The following ARHGAP20 variants were observed in gnomAD, a reference collection of about 807,000 sequenced individuals.
ARHGAP20 encodes Rho GTPase activating protein 20, also known as rho GTPase-activating protein 20.
In ARHGAP20, 34 loss-of-function variants were observed where a neutral mutation model predicts 73.7. The ratio of observed to expected loss-of-function variants is 0.46; its 90% confidence interval spans 0.35 to 0.61. ARHGAP20 has a LOEUF of 0.61. Among genes scored for constraint, ARHGAP20 ranks in the 20% least tolerant of loss-of-function variants. The probability of loss-of-function intolerance (pLI) is 0.00; values close to 1 mark genes in which losing one functional copy is unlikely to be tolerated. For missense variants in ARHGAP20, 1,314 were observed against 1,420.9 expected, an observed-to-expected ratio of 0.92 and a Z score of 1.21; for synonymous variants, 523 against 518.2, an observed-to-expected ratio of 1.01 and a Z score of -0.13.
intron 2 of ARHGAP20, among the ~76,000 whole-genome samples, chr11:110,640,788 G>A (rs1949062032): frequency 1.3e-5 from 2 of 151,842 alleles, no homozygotes; most frequent in Non-Finnish European, 2.9e-5. Flanking sequence ...AGCATTAAGA[G>A]ATATACCTAA....
chr11:110,580,544 A>G lies in ARHGAP20; in HGVS notation c.2402T>C (p.Ile801Thr). 6.2e-7 allele frequency: 1 copy of G among 1,614,234 alleles called. No individual in the cohort carries two copies. Among genetic ancestry groups the G allele is most frequent in the East Asian group, 2.2e-5 (1 of 44,882 alleles). ...KLFPKSKPVA[I>T]SVASYSPMSS... ...CATAGGACTATAAGATGCCACAGAA[A>G]TGGCCACTGGCTTAGACTTAGGGAA... Residue 801 changes from isoleucine (I) to threonine (T), a missense_variant, in exon 15 of 15, where the codon ATT (isoleucine) becomes ACT (threonine). By Grantham distance (89) the Ile-to-Thr change is moderately conservative. This residue lies in a region of ARHGAP20 where 641 missense variants were observed against 636.9 expected (regional missense o/e 1.01). Coordinates refer to ENST00000683387, the MANE Select transcript of ARHGAP20 (RefSeq NM_001384657.1).
rs1947761270 is a variant in ARHGAP20 at position 110,589,340 on chromosome 11, C to A, written c.1305+1308G>T. 21 of 953,102 alleles carry A rather than the reference C, an allele frequency of 2.2e-5. No homozygotes were observed. The South Asian group carries it at 9.2e-4, about 42-fold the overall frequency. 59.0% of individuals were successfully genotyped at this position (953,102 alleles called of 1,614,324 possible). A position where few individuals can be genotyped will look rare whatever the true frequency, so the allele number is the denominator to read the frequency against. On this transcript the variant is annotated intron_variant, in intron 11 of 14. Transcript: ENST00000683387. ...GATATCTAATTGCAAAAATTTATAG[C>A]AGGGTTTAAGAGCAGATATGGCTTA... is the stretch of plus-strand genomic sequence containing the variant.
intron 2 of ARHGAP20, among the ~76,000 whole-genome samples, chr11:110,688,181 G>A (rs1206604616): frequency 2.0e-5 from 3 of 152,080 alleles, no homozygotes; most frequent in Non-Finnish European, 4.4e-5. Context: ...TTTCCATGAT[G>A]CCTAGTATCC....
intron 1 of ARHGAP20, among the ~76,000 whole-genome samples, chr11:110,693,202 T>C (rs1425617877): frequency 6.6e-6 from 1 of 151,964 alleles, no homozygotes; most frequent in African/African-American, 2.4e-5. Context: ...ATGCTGAGTG[T>C]AGCCACTTCA....
Position 110,580,021 on chromosome 11 carries a change from T to C in ARHGAP20, c.2925A>G (p.Ile975Met). 1 of 1,614,174 alleles carries C rather than the reference T, an allele frequency of 6.2e-7. No individual in the cohort carries two copies. The highest frequency in any genetic ancestry group is 8.5e-7 in the Non-Finnish European group (1 of 1,180,026). ...VFTPTETSSP[I>M]DCTFQAQRKR... ...TTCTCTGAGCCTGAAAAGTGCAATC[T>C]ATTGGAGAGGAAGTCTCAGTGGGTG... The change falls in exon 15 of 15, where the codon ATA becomes ATG. Residue 975 changes from isoleucine (I) to methionine (M), a missense_variant. Transcript: ENST00000683387.
chr11:110,577,155 G>C lies in ARHGAP20; in HGVS notation c.*2215C>G. On this transcript the variant is annotated 3_prime_UTR_variant, in exon 15 of 15. Coordinates refer to ENST00000683387, the MANE Select transcript of ARHGAP20 (RefSeq NM_001384657.1). Reference sequence around the variant, plus strand: ...ACTTTAAAAGTTAGCAGCAGTTTCTGCAAGTACAAAAATACACATTTATTA... The same window carrying C: ...ACTTTAAAAGTTAGCAGCAGTTTCTCCAAGTACAAAAATACACATTTATTA... 3.3e-6 allele frequency: 5 copies of C among 1,534,448 alleles called. No homozygotes were observed. Among genetic ancestry groups the C allele is most frequent in the East Asian group, 2.5e-5 (1 of 40,744 alleles).
At position 110,615,543 on chromosome 11, in the gene ARHGAP20, G is replaced by GA. The variant is rs761285422; in HGVS notation, c.545+9dup. The GA allele has an allele frequency of 4.1e-5, 66 of 1,607,456 alleles. No individual in the cohort carries two copies. Among genetic ancestry groups the GA allele is most frequent in the Non-Finnish European group, 5.4e-5 (63 of 1,177,292 alleles). On this transcript the variant is annotated intron_variant, in intron 5 of 14. Transcript: ENST00000683387. ...GTTAAAGATTAAAAATATGAATACT[G>GA]AAAAAATACCTCTGAAGGAGAGAGA...
intron 4 of ARHGAP20, among the ~76,000 whole-genome samples, chr11:110,622,548 C>T (rs1354244848): frequency 6.6e-6 from 1 of 152,092 alleles, no homozygotes; most frequent in Admixed American, 6.6e-5. Context: ...CCATTTTTTC[C>T]ATTAATGTCC....
At chr11:110,659,662 C>T (rs533280369) in intron 2 of ARHGAP20, among the ~76,000 whole-genome samples, 1 of 152,104 alleles carries the variant, frequency 6.6e-6, no homozygotes, top group Admixed American at 6.6e-5. Flanking sequence ...TGGTAATGTC[C>T]AACAATGATA....
At chr11:110,584,864 T>A (rs1251567297) in intron 12 of ARHGAP20, among the ~76,000 whole-genome samples, 1 of 151,082 alleles carries the variant, frequency 6.6e-6, no homozygotes, top group Non-Finnish European at 1.5e-5. Context: ...TATGTGAATA[T>A]ATAAATGAAT....
chr11:110,655,771 A>G (rs984524135), intron 2 of ARHGAP20, among the ~76,000 whole-genome samples: 4 of 152,134 alleles, frequency 2.6e-5, no homozygotes, highest in African/African-American at 7.2e-5. Flanking sequence ...TGACCAAAAA[A>G]GAGGGAAAAG....
intron 1 of ARHGAP20, chr11:110,711,808 A>C (rs1057288537): frequency 1.5e-6 from 2 of 1,341,950 alleles, no homozygotes; most frequent in South Asian, 1.9e-5. Flanking sequence ...CGCCCACTAC[A>C]GCCCGCGCGC....
intron 1 of ARHGAP20, among the ~76,000 whole-genome samples, chr11:110,702,504 C>T (rs544289695): frequency 6.6e-6 from 1 of 152,156 alleles, no homozygotes; most frequent in Non-Finnish European, 1.5e-5. Context: ...CTCACCATTC[C>T]TATTCAACAT....
intron 1 of ARHGAP20, among the ~76,000 whole-genome samples, chr11:110,698,185 TTTTTG>T (rs1950374053): frequency 2.0e-5 from 3 of 151,974 alleles, no homozygotes; most frequent in South Asian, 4.1e-4. Flanking sequence ...GACTGTATGG[TTTTTG>T]TTTTTAGTTC....
chr11:110,582,216 T>C, intron 14 of ARHGAP20, 105 bp downstream of exon 14: 1 of 944,112 alleles, frequency 1.1e-6, no homozygotes, highest in South Asian at 1.4e-5. Flanking sequence ...CAGAGGCTCC[T>C]TTCACTTCAG....
chr11:110,710,017 C>G (rs1302165904), intron 1 of ARHGAP20, among the ~76,000 whole-genome samples: 2 of 152,128 alleles, frequency 1.3e-5, no homozygotes, highest in Admixed American at 6.5e-5. Context: ...AAGACACGTT[C>G]GGATTGACAA....
At chr11:110,689,278 G>A (rs1950196867) in intron 2 of ARHGAP20, among the ~76,000 whole-genome samples, 1 of 151,832 alleles carries the variant, frequency 6.6e-6, no homozygotes, top group South Asian at 2.1e-4. Context: ...TAGATTTTAT[G>A]TTAAATTAGC....
chr11:110,630,558 G>T, intron 3 of ARHGAP20, 70 bp downstream of exon 3: 1 of 1,453,336 alleles, frequency 6.9e-7, no homozygotes, highest in Non-Finnish European at 9.5e-7. Context: ...TAAGCATTGA[G>T]TAGAAAGGGT....
At chr11:110,603,262 A>C (rs1033280126) in intron 9 of ARHGAP20, among the ~76,000 whole-genome samples, 1 of 152,212 alleles carries the variant, frequency 6.6e-6, no homozygotes, top group Admixed American at 6.5e-5. Flanking sequence ...AGAGTTTCAC[A>C]GTGATACTTT....
Sources: allele counts gnomAD v4.1 joint callset (sites outside exome capture counted in the v4.1 genomes callset), GRCh38; gene constraint gnomAD v4.1.1; regional missense constraint gnomAD v4.1.1; transcripts MANE v1.5; gene names NCBI Gene and HGNC (gene_info 2026-07-23, HGNC 2026-07-21).